The following TOPAZ1 variants were observed in gnomAD, a reference collection of about 807,000 sequenced individuals.
TOPAZ1 encodes protein TOPAZ1.
Under a neutral mutation model 172.2 loss-of-function variants are expected in TOPAZ1, and 66 were observed. The ratio of observed to expected loss-of-function variants is 0.38; its 90% CI spans 0.31 to 0.47. The LOEUF is 0.47. Among genes scored for constraint, TOPAZ1 ranks in the 20% least tolerant of loss-of-function variants. The probability of loss-of-function intolerance (pLI) is 0.99; values close to 1 mark genes in which losing one functional copy is unlikely to be tolerated. For missense variants in TOPAZ1, 1,822 were observed against 1,972.4 expected (o/e 0.92, Z 1.44); for synonymous variants, 681 against 683.9 (o/e 1.00, Z 0.07).
intron 16 of TOPAZ1, among the ~76,000 whole-genome samples, chr3:44,320,782 A>G (rs1226527039): frequency 6.6e-6 from 1 of 152,168 alleles, no homozygotes; most frequent in East Asian, 1.9e-4. Context: ...TGACTAGTAC[A>G]CTTAGATGAA....
chr3:44,318,213 C>T (rs552088660), intron 16 of TOPAZ1, among the ~76,000 whole-genome samples: 7 of 152,126 alleles, frequency 4.6e-5, no homozygotes, highest in Middle Eastern at 3.4e-3. Context: ...TTTGGGAGGC[C>T]GAAGTGGGTG....
At chr3:44,326,829 G>A (rs1246731190) in intron 18 of TOPAZ1, among the ~76,000 whole-genome samples, 1 of 151,750 alleles carries the variant, frequency 6.6e-6, no homozygotes, top group African/African-American at 2.4e-5. Context: ...TCAAATGTGA[G>A]TATTTTTCTT....
chr3:44,249,284 A>G (rs920251686), intron 2 of TOPAZ1, among the ~76,000 whole-genome samples: 13 of 152,170 alleles, frequency 8.5e-5, no homozygotes, highest in Non-Finnish European at 1.8e-4. Context: ...AAACAAAAGT[A>G]TATAAACTGA....
At chr3:44,292,536 A>T (rs1046996436) in intron 12 of TOPAZ1, among the ~76,000 whole-genome samples, 7 of 127,858 alleles carry the variant, frequency 5.5e-5, no homozygotes, top group African/African-American at 1.9e-4. Context: ...ATCAAGGCTC[A>T]AGAGAATAGC....
At chr3:44,257,352 G>GGTGTGTGTGTGTGTGTGTGTGTGTGT (rs59827431) in intron 4 of TOPAZ1, among the ~76,000 whole-genome samples, 1 of 110,386 alleles carries the variant, frequency 9.1e-6, no homozygotes, top group Non-Finnish European at 1.8e-5. Context: ...AAAACATAGG[G>GGTGTGTGTGTGTGTGTGTGTGTGTGT]GTGTGTGTGT....
intron 16 of TOPAZ1, among the ~76,000 whole-genome samples, chr3:44,312,231 CAAA>C (rs1159011578): frequency 3.4e-5 from 2 of 58,146 alleles, no homozygotes; most frequent in East Asian, 9.7e-4. Context: ...ATTGCAAAGC[CAAA>C]AAAAAAAAAA....
chr3:44,289,257 T>G (rs973184017), intron 11 of TOPAZ1, among the ~76,000 whole-genome samples: 1 of 152,180 alleles, frequency 6.6e-6, no homozygotes, highest in Non-Finnish European at 1.5e-5. Flanking sequence ...AGTGACCCTT[T>G]CAAATGTTGT....
chr3:44,330,560 G>A (rs1202410486), intron 19 of TOPAZ1, among the ~76,000 whole-genome samples: 1 of 152,136 alleles, frequency 6.6e-6, no homozygotes, highest in East Asian at 1.9e-4. Flanking sequence ...AAGCTAGAAT[G>A]TACTAGAAGG....
At chr3:44,293,275 T>TA (rs1470040264) in intron 12 of TOPAZ1, among the ~76,000 whole-genome samples, 1 of 152,248 alleles carries the variant, frequency 6.6e-6, no homozygotes, top group Non-Finnish European at 1.5e-5. Flanking sequence ...ACTTTATTAT[T>TA]ATTTTAGAGT....
At chr3:44,251,484 T>C (rs556985968) in intron 2 of TOPAZ1, among the ~76,000 whole-genome samples, 53 of 152,336 alleles carry the variant, frequency 3.5e-4, no homozygotes, top group African/African-American at 1.2e-3. Context: ...TCTAAAGCAA[T>C]CATCTTCCAG....
At chr3:44,276,397 C>A (rs1699957990) in intron 8 of TOPAZ1, among the ~76,000 whole-genome samples, 1 of 152,014 alleles carries the variant, frequency 6.6e-6, no homozygotes, top group Admixed American at 6.5e-5. Context: ...ATATGGATAT[C>A]TTAATTTTCC....
intron 18 of TOPAZ1, among the ~76,000 whole-genome samples, chr3:44,326,741 A>G (rs542537952): frequency 3.9e-5 from 6 of 152,274 alleles, no homozygotes; most frequent in South Asian, 2.1e-4. Context: ...TGTCCTAAAA[A>G]TACTGCTTTT....
intron 8 of TOPAZ1, among the ~76,000 whole-genome samples, chr3:44,280,534 GTT>G (rs1305757469): frequency 1.3e-5 from 2 of 151,930 alleles, no homozygotes; most frequent in African/African-American, 4.8e-5. Flanking sequence ...TTTTAGTAGA[GTT>G]GAGATTTCAC....
chr3:44,251,936 T>C (rs1466357702), intron 2 of TOPAZ1, among the ~76,000 whole-genome samples: 1 of 152,212 alleles, frequency 6.6e-6, no homozygotes, highest in African/African-American at 2.4e-5. Context: ...AATATTTGTA[T>C]AAGTTACAAT....
intron 6 of TOPAZ1, among the ~76,000 whole-genome samples, chr3:44,267,922 C>T (rs1188640958): frequency 6.6e-6 from 1 of 152,226 alleles, no homozygotes; most frequent in Middle Eastern, 3.4e-3. Flanking sequence ...TCTTAAAAGT[C>T]TTACAGTTTT....
chr3:44,293,205 A>G (rs1700159308), intron 12 of TOPAZ1, among the ~76,000 whole-genome samples: 1 of 152,240 alleles, frequency 6.6e-6, no homozygotes, highest in Admixed American at 6.5e-5. Flanking sequence ...ACAACTATGT[A>G]CAGTACATAA....
At chr3:44,294,098 G>C (rs1700168823) in intron 12 of TOPAZ1, among the ~76,000 whole-genome samples, 1 of 152,178 alleles carries the variant, frequency 6.6e-6, no homozygotes, top group Non-Finnish European at 1.5e-5. Flanking sequence ...AAATCAGCCA[G>C]TTGTAGTGGT....
chr3:44,276,621 G>GTTTTTTT (rs1699960637), intron 8 of TOPAZ1, among the ~76,000 whole-genome samples: 12 of 26,552 alleles, frequency 4.5e-4, no homozygotes, highest in Non-Finnish European at 6.3e-4. Flanking sequence ...CTCCAGCTTT[G>GTTTTTTT]TTCTTTTTTT....
At chr3:44,332,923 C>T (rs955516419), downstream of TOPAZ1, among the ~76,000 whole-genome samples, 24 of 151,664 alleles carry the variant, frequency 1.6e-4, no homozygotes, top group African/African-American at 5.6e-4. Flanking sequence ...CTCAGCCTCC[C>T]ATGTAGCTGA....
Sources: allele counts gnomAD v4.1 joint callset (sites outside exome capture counted in the v4.1 genomes callset), GRCh38; gene constraint gnomAD v4.1.1; transcripts MANE v1.5; gene names NCBI Gene and HGNC (gene_info 2026-07-23, HGNC 2026-07-21).